SLIT2: variants seen among roughly 807,000 people sequenced by gnomAD.
SLIT2 encodes the protein slit homolog 2 protein.
A neutral mutation model predicts 185.7 loss-of-function variants in SLIT2; 41 were observed. That is an observed-to-expected ratio of 0.22 (90% CI 0.17 to 0.29). The LOEUF (loss-of-function observed/expected upper bound fraction) is 0.29, where lower values mean the gene tolerates loss of function less well. Ranked by LOEUF, SLIT2 falls within the 10% of genes least tolerant of loss-of-function variation. SLIT2 has a pLI of 1.00. For missense variants in SLIT2, 1,571 were observed against 1,909.0 expected (o/e 0.82, Z 3.30); for synonymous variants, 693 against 680.2 (o/e 1.02, Z -0.29).
At chr4:20,418,971 A>G (rs1727934238) in intron 4 of SLIT2, among the ~76,000 whole-genome samples, 1 of 152,236 alleles carries the variant, frequency 6.6e-6, no homozygotes, top group African/African-American at 2.4e-5. Flanking sequence ...AACAGGAAGG[A>G]TATCAGAGTA....
chr4:20,392,821 C>T (rs990101600), intron 4 of SLIT2, among the ~76,000 whole-genome samples: 8 of 151,964 alleles, frequency 5.3e-5, no homozygotes, highest in African/African-American at 1.7e-4. Context: ...TCTTCAGAAG[C>T]GATAACACAC....
chr4:20,555,350 A>C (rs936567301), intron 26 of SLIT2, among the ~76,000 whole-genome samples: 1 of 152,108 alleles, frequency 6.6e-6, no homozygotes, highest in African/African-American at 2.4e-5. Flanking sequence ...TGAGCTCTGA[A>C]GCCCAGCCTG....
At chr4:20,342,706 C>T (rs1002767306) in intron 4 of SLIT2, among the ~76,000 whole-genome samples, 5 of 141,068 alleles carry the variant, frequency 3.5e-5, no homozygotes, top group Admixed American at 7.2e-5. Context: ...TGCCATTCAT[C>T]GACTATCGCA....
intron 4 of SLIT2, among the ~76,000 whole-genome samples, chr4:20,340,748 C>A (rs1278938200): frequency 1.3e-5 from 2 of 152,018 alleles, no homozygotes; most frequent in Admixed American, 6.5e-5. Context: ...CTACAGGTGC[C>A]CGCCACTAGA....
intron 4 of SLIT2, among the ~76,000 whole-genome samples, chr4:20,327,316 G>A (rs1025320217): frequency 6.6e-6 from 1 of 151,946 alleles, no homozygotes; most frequent in African/African-American, 2.4e-5. Context: ...TACTTTCCAC[G>A]AAGCTAATTT....
In SLIT2 at chr4:20,568,961, T is replaced by C. The variant is rs1725328555; in HGVS notation, c.3045T>C (p.Asp1015=). 1 of 1,612,580 alleles carries C rather than the reference T, an allele frequency of 6.2e-7. No homozygotes were observed. Among genetic ancestry groups the C allele is most frequent in the Admixed American group, 1.7e-5 (1 of 59,978 alleles). ...GTGAAAATAATTCTACATGTGTCGA[T>C]GGCATTAATAACTACACATGCCTTT... ...NDCENNSTCV[D]GINNYTCLCP... The change falls in exon 29 of 37, where the codon GAT becomes GAC. Residue 1015 remains aspartate (D), a synonymous_variant. Coordinates refer to ENST00000504154, the MANE Select transcript of SLIT2 (RefSeq NM_004787.4).
chr4:20,407,305 A>G (rs1726851882), intron 4 of SLIT2, among the ~76,000 whole-genome samples: 1 of 151,862 alleles, frequency 6.6e-6, no homozygotes, highest in African/African-American at 2.4e-5. Context: ...AAAATTCAAC[A>G]CAGTCTCTAA....
intron 4 of SLIT2, among the ~76,000 whole-genome samples, chr4:20,348,866 A>C (rs1721646987): frequency 6.6e-6 from 1 of 152,174 alleles, no homozygotes; most frequent in Admixed American, 6.5e-5. Context: ...CTTTCACAGA[A>C]ATCCCAGTGA....
chr4:20,373,521 TTAAA>T, intron 4 of SLIT2, among the ~76,000 whole-genome samples: 1 of 150,132 alleles, frequency 6.7e-6, no homozygotes, highest in South Asian at 2.2e-4. Context: ...TCCTGTAATA[TTAAA>T]TATATATAAA....
At chr4:20,547,709 A>G (rs914990914) in intron 22 of SLIT2, among the ~76,000 whole-genome samples, 11 of 150,074 alleles carry the variant, frequency 7.3e-5, no homozygotes, top group African/African-American at 1.9e-4. Context: ...TATTGTATAT[A>G]TATTTTAATA....
chr4:20,370,519 T>C (rs1408972488), intron 4 of SLIT2, among the ~76,000 whole-genome samples: 1 of 152,124 alleles, frequency 6.6e-6, no homozygotes, highest in Non-Finnish European at 1.5e-5. Flanking sequence ...CACTATTTGC[T>C]GAGTCAGAAA....
At chr4:20,510,432 T>G (rs1719602720) in intron 9 of SLIT2, 63 bp from the exon 10 acceptor site, 10 of 1,027,898 alleles carry the variant, frequency 9.7e-6, no homozygotes, top group Non-Finnish European at 1.2e-5. Context: ...AATCCTGAGC[T>G]TGAATTAAAC....
rs780360922 is a variant in SLIT2, at chr4:20,617,691, C to G, written c.4348+41C>G. The G allele has an allele frequency of 9.7e-6, 11 of 1,131,626 alleles. No individual in the cohort carries two copies. In the South Asian group the frequency reaches 1.4e-4, roughly 15 times the overall value. 70.1% of individuals were successfully genotyped at this position (1,131,626 alleles called of 1,614,324 possible). A position where few individuals can be genotyped will look rare whatever the true frequency, so the allele number is the denominator to read the frequency against. Reference sequence around the variant, plus strand: ...TGGGCACCTCATTCTCTTGGCAAAGCAAGAGGGGTCCCATGTCTTTGAAAA... The same window carrying G: ...TGGGCACCTCATTCTCTTGGCAAAGGAAGAGGGGTCCCATGTCTTTGAAAA... On this transcript the variant is annotated intron_variant, in intron 36 of 36. Coordinates refer to ENST00000504154, the MANE Select transcript of SLIT2 (RefSeq NM_004787.4).
chr4:20,420,460 C>A (rs2109461560), intron 4 of SLIT2, among the ~76,000 whole-genome samples: 1 of 152,204 alleles, frequency 6.6e-6, no homozygotes, highest in Admixed American at 6.5e-5. Flanking sequence ...CCTCATGGTC[C>A]TTCAACTTTA....
At chr4:20,366,338 C>A (rs911906441) in intron 4 of SLIT2, among the ~76,000 whole-genome samples, 2 of 152,140 alleles carry the variant, frequency 1.3e-5, no homozygotes, top group African/African-American at 4.8e-5. Flanking sequence ...ATGCCAGAGT[C>A]AAGGAATTCC....
At chr4:20,594,226 T>C (rs1423461913) in intron 30 of SLIT2, among the ~76,000 whole-genome samples, 1 of 150,274 alleles carries the variant, frequency 6.7e-6, no homozygotes, top group Non-Finnish European at 1.5e-5. Flanking sequence ...TATGTATATG[T>C]ATGTACATGT....
At chr4:20,449,478 G>A (rs560319452) in intron 4 of SLIT2, among the ~76,000 whole-genome samples, 5 of 152,048 alleles carry the variant, frequency 3.3e-5, no homozygotes, top group Admixed American at 6.5e-5. Context: ...GTGCAATCTC[G>A]GCTCACTGCA....
chr4:20,319,193 A>T (rs2109157758), intron 4 of SLIT2, among the ~76,000 whole-genome samples: 1 of 152,356 alleles, frequency 6.6e-6, no homozygotes, highest in South Asian at 2.1e-4. Flanking sequence ...AATTAGATAC[A>T]GTCCTTGCCC....
At chr4:20,406,521 A>G (rs1235671080) in intron 4 of SLIT2, among the ~76,000 whole-genome samples, 1 of 144,184 alleles carries the variant, frequency 6.9e-6, no homozygotes, top group Non-Finnish European at 1.5e-5. Context: ...AAATGAGAAT[A>G]TACAAATGGC....
Sources: gnomAD v4.1 joint callset for allele counts (sites outside exome capture counted in the v4.1 genomes callset) on GRCh38, gnomAD v4.1.1 for gene constraint, MANE v1.5 for transcripts, NCBI Gene and HGNC (gene_info 2026-07-23, HGNC 2026-07-21) for gene names.